KIF18A: variants seen among roughly 807,000 people sequenced by gnomAD.
KIF18A encodes the protein kinesin-like protein KIF18A.
A neutral mutation model predicts 103.3 loss-of-function variants in KIF18A; 67 were observed. The observed-to-expected ratio is 0.65, with a 90% CI of 0.53 to 0.79. The LOEUF is 0.79. Among genes scored for constraint, KIF18A ranks in the 30% least tolerant of loss-of-function variants. The pLI is 0.00. For missense variants in KIF18A, 1,032 were observed against 1,062.5 expected, an observed-to-expected ratio of 0.97 and a Z score of 0.40; for synonymous variants, 367 against 355.5, an observed-to-expected ratio of 1.03 and a Z score of -0.36.
intron 9 of KIF18A, among the ~76,000 whole-genome samples, chr11:28,078,073 A>G (rs1851118503): frequency 6.6e-6 from 1 of 152,190 alleles, no homozygotes; most frequent in South Asian, 2.1e-4. Context: ...AACATTCATA[A>G]CAGTGAAGAC....
intron 13 of KIF18A, among the ~76,000 whole-genome samples, chr11:28,053,702 G>A (rs1850741348): frequency 6.6e-6 from 1 of 150,582 alleles, no homozygotes; most frequent in African/African-American, 2.4e-5. Context: ...TCCCCTTCCT[G>A]TGTCCATGTG....
intron 15 of KIF18A, among the ~76,000 whole-genome samples, chr11:28,034,550 A>C (rs1850456690): frequency 6.6e-6 from 1 of 151,694 alleles, no homozygotes; most frequent in South Asian, 2.1e-4. Context: ...AAGAACATCA[A>C]AACTCTGCTT....
Position 28,073,674 on chromosome 11 carries a change from G to A in KIF18A, c.1425+3333C>T, listed in dbSNP as rs369620511. Among the ~76,000 whole-genome samples, 49 of 152,204 alleles carry A rather than the reference G, an allele frequency of 3.2e-4. 1 individual carries two copies. In the East Asian group the frequency reaches 6.4e-3, roughly 20 times the overall value. On this transcript the variant is annotated intron_variant, in intron 10 of 16. Coordinates refer to ENST00000263181, the MANE Select transcript of KIF18A (RefSeq NM_031217.4). ...TGCAAAAAACTTTGAAAAATGTCTG[G>A]CAAATAGCGTTCAATATCAGCTGTT...
chr11:28,036,527 G>A lies in KIF18A; in HGVS notation c.2086C>T (p.Leu696Phe), dbSNP rs762621215. The change falls in exon 14 of 17, where the codon CTT becomes TTT. Residue 696 changes from leucine (L) to phenylalanine (F), a missense_variant. By Grantham distance (22) the Leu-to-Phe change is conservative (BLOSUM62 0). Transcript: ENST00000263181. ...PSQSVQLNDSLSKELQPIVYT... is the reference protein window; with the variant it reads ...PSQSVQLNDSFSKELQPIVYT... The stretch of plus-strand genomic sequence containing the variant: ...ACAATAGGCTGAAGTTCTTTGCTAA[G>A]AGAATCATTGAGCTGCACACTTTGA... The A allele has an allele frequency of 6.2e-7, 1 of 1,611,346 alleles. No individual in the cohort carries two copies. The highest frequency in any genetic ancestry group is 1.1e-5 in the South Asian group (1 of 90,990).
chr11:28,088,857 GAT>G (rs1851266264), intron 5 of KIF18A, 136 bp from the exon 6 acceptor site: 2 of 677,698 alleles, frequency 3.0e-6, no homozygotes, highest in Non-Finnish European at 5.0e-6. Context: ...TAATCTAATT[GAT>G]ATTTAAGAGC....
At chr11:28,070,385 G>A (rs2133539659) in intron 10 of KIF18A, among the ~76,000 whole-genome samples, 1 of 152,246 alleles carries the variant, frequency 6.6e-6, no homozygotes, top group South Asian at 2.1e-4. Context: ...AATGATTTAA[G>A]GTCAGGCAAA....
intron 13 of KIF18A, among the ~76,000 whole-genome samples, chr11:28,046,137 G>T (rs1481566200): frequency 5.3e-5 from 8 of 151,836 alleles, no homozygotes; most frequent in Admixed American, 5.3e-4. Flanking sequence ...TCAGTGTGGC[G>T]ATTCCTCAGG....
At position 28,078,172 on chromosome 11, in the gene KIF18A, TA is replaced by T. The variant is rs1851120085; in HGVS notation, c.1263-1004del. On this transcript the variant is annotated intron_variant, in intron 9 of 16. Coordinates refer to ENST00000263181, the MANE Select transcript of KIF18A (RefSeq NM_031217.4). ...TAGATATACTCATAAGGATCAGCGG[TA>T]AAAACACTGCCAATTTACGTCAGTA... is the stretch of plus-strand genomic sequence containing the variant. 3.3e-5 allele frequency among the ~76,000 whole-genome samples: 5 copies of T among 152,086 alleles called. No homozygotes were observed. The South Asian group carries it at 1.0e-3, about 31-fold the overall frequency.
At chr11:28,066,918 AG>A (rs1850937760) in intron 11 of KIF18A, among the ~76,000 whole-genome samples, 1 of 151,396 alleles carries the variant, frequency 6.6e-6, no homozygotes, top group Admixed American at 6.6e-5. Flanking sequence ...ATTGTTGCTT[AG>A]AATAGTATTA....
chr11:28,040,421 C>T (rs1850543735), intron 13 of KIF18A, among the ~76,000 whole-genome samples: 1 of 151,676 alleles, frequency 6.6e-6, no homozygotes, highest in Admixed American at 6.6e-5. Flanking sequence ...CACTATCTAA[C>T]AATATTCCAT....
At chr11:28,055,653 G>T (rs1000896135) in intron 13 of KIF18A, among the ~76,000 whole-genome samples, 8 of 152,126 alleles carry the variant, frequency 5.3e-5, no homozygotes, top group African/African-American at 1.9e-4. Flanking sequence ...CTCAGTCTCT[G>T]AAATAGGACT....
Position 28,021,295 on chromosome 11 carries a change from T to C in KIF18A, c.2615-13A>G. The C allele has an allele frequency of 7.2e-7, 1 of 1,385,378 alleles. No individual in the cohort carries two copies. Among genetic ancestry groups the C allele is most frequent in the Admixed American group, 3.2e-5 (1 of 31,546 alleles). 85.8% of individuals were successfully genotyped at this position (1,385,378 alleles called of 1,614,324 possible). A position where few individuals can be genotyped will look rare whatever the true frequency, so the allele number is the denominator to read the frequency against. The stretch of plus-strand genomic sequence containing the variant: ...TTTCTTTTATGTTCTAGAGAAGAAA[T>C]AAAAAGATGCATAAATATGGCATAA... On this transcript the variant is annotated splice_polypyrimidine_tract_variant and intron_variant, in intron 16 of 16. Coordinates refer to ENST00000263181, the MANE Select transcript of KIF18A (RefSeq NM_031217.4).
At chr11:28,099,438 T>C (rs539753210) in intron 1 of KIF18A, among the ~76,000 whole-genome samples, 1 of 152,188 alleles carries the variant, frequency 6.6e-6, no homozygotes, top group East Asian at 1.9e-4. Context: ...CCATGGTTAA[T>C]TGCTAAGAGT....
chr11:28,037,734 C>T (rs893283003), intron 13 of KIF18A, among the ~76,000 whole-genome samples: 4 of 151,602 alleles, frequency 2.6e-5, no homozygotes, highest in African/African-American at 9.7e-5. Context: ...TCACCCTCAT[C>T]ACTCTGGAGA....
chr11:28,089,071 AC>A (rs150263576), intron 5 of KIF18A, among the ~76,000 whole-genome samples: 228 of 152,234 alleles, frequency 1.5e-3, no homozygotes, highest in Non-Finnish European at 2.5e-3. Context: ...CTAAGAAAAA[AC>A]CAAAGCTACT....
At chr11:28,044,552 C>A (rs1031345874) in intron 13 of KIF18A, among the ~76,000 whole-genome samples, 1 of 151,976 alleles carries the variant, frequency 6.6e-6, no homozygotes, top group South Asian at 2.1e-4. Flanking sequence ...GATAAAGTGG[C>A]GAGTGTTCTA....
intron 7 of KIF18A, 40 bp downstream of exon 7, chr11:28,084,592 G>A (rs1851203439): frequency 1.4e-6 from 2 of 1,452,950 alleles, no homozygotes; most frequent in Admixed American, 1.9e-5. Flanking sequence ...ATCATATGCA[G>A]ACAATACCTT....
chr11:28,063,307 C>T (rs1850879082), intron 11 of KIF18A, among the ~76,000 whole-genome samples: 1 of 151,906 alleles, frequency 6.6e-6, no homozygotes, highest in African/African-American at 2.4e-5. Flanking sequence ...ATTAAATGAT[C>T]CTAATAGTGT....
At chr11:28,031,940 G>A (rs1437147553) in intron 15 of KIF18A, among the ~76,000 whole-genome samples, 2 of 151,762 alleles carry the variant, frequency 1.3e-5, no homozygotes, top group East Asian at 3.9e-4. Context: ...AGGAAGAAGT[G>A]AAATTATCCT....
Sources: gnomAD v4.1 joint callset for allele counts (sites outside exome capture counted in the v4.1 genomes callset) on GRCh38, gnomAD v4.1.1 for gene constraint, MANE v1.5 for transcripts, NCBI Gene and HGNC (gene_info 2026-07-23, HGNC 2026-07-21) for gene names.